KCNQ4: variants seen among roughly 807,000 people sequenced by gnomAD.
KCNQ4 encodes potassium voltage-gated channel subfamily Q member 4, also known as potassium voltage-gated channel subfamily KQT member 4.
Under a neutral mutation model 72.6 loss-of-function variants are expected in KCNQ4, and 31 were observed. That is an observed-to-expected ratio of 0.43 (90% confidence interval 0.32 to 0.58). KCNQ4 has a LOEUF of 0.58. Among genes scored for constraint, KCNQ4 ranks in the 20% least tolerant of loss-of-function variants. KCNQ4 has a pLI of 0.08. For missense variants in KCNQ4, 869 were observed against 962.6 expected (o/e 0.90, Z 1.29); for synonymous variants, 405 against 403.7 (o/e 1.00, Z -0.04).
chr1:40,837,767 G>A lies in KCNQ4; in HGVS notation c.1848G>A (p.Met616Ile), dbSNP rs183328763. Residue 616 changes from methionine (M) to isoleucine (I), a missense_variant, in exon 13 of 14, where the codon ATG (methionine) becomes ATA (isoleucine). Physicochemically the swap from Met to Ile is conservative, Grantham distance 10. This residue lies in a region of KCNQ4 where 480 missense variants were observed against 501.9 expected (regional missense o/e 0.96). Coordinates refer to ENST00000347132, the MANE Select transcript of KCNQ4 (RefSeq NM_004700.4). ...AGGTGGTGGATGAAATCAGCATGAT[G>A]GGACGCGTGGTCAAGGTGGAGAAGC... ...DAEVVDEISM[M>I]GRVVKVEKQV... The A allele has an allele frequency of 6.2e-6, 10 of 1,610,864 alleles. No individual in the cohort carries two copies. In the East Asian group the frequency reaches 2.2e-4, roughly 36 times the overall value.
At chr1:40,834,684 C>T (rs951617293) in intron 11 of KCNQ4, among the ~76,000 whole-genome samples, 1 of 152,088 alleles carries the variant, frequency 6.6e-6, no homozygotes, top group Admixed American at 6.6e-5. Context: ...CTCTTCAAAG[C>T]ACACCCCAGC....
chr1:40,790,140 C>T (rs548824089), intron 1 of KCNQ4, among the ~76,000 whole-genome samples: 3 of 152,196 alleles, frequency 2.0e-5, no homozygotes, highest in Non-Finnish European at 4.4e-5. Flanking sequence ...GACAGATCTG[C>T]GTTCCTTCCT....
intron 1 of KCNQ4, among the ~76,000 whole-genome samples, chr1:40,787,053 G>A (rs768734723): frequency 3.3e-5 from 5 of 152,074 alleles, no homozygotes; most frequent in South Asian, 2.1e-4. Context: ...TCCCAGAGAC[G>A]CAGGCTGTGG....
At chr1:40,834,760 G>C (rs950130447) in intron 11 of KCNQ4, among the ~76,000 whole-genome samples, 2 of 151,852 alleles carry the variant, frequency 1.3e-5, no homozygotes, top group African/African-American at 4.8e-5. Flanking sequence ...CCTCCACCCC[G>C]GCTGGTTGAT....
intron 1 of KCNQ4, among the ~76,000 whole-genome samples, chr1:40,799,551 T>C (rs1647517950): frequency 6.6e-6 from 1 of 152,148 alleles, no homozygotes; most frequent in South Asian, 2.1e-4. Flanking sequence ...GTCTGGCCTC[T>C]CCACTCCTGA....
intron 1 of KCNQ4, among the ~76,000 whole-genome samples, chr1:40,789,991 C>T (rs1647248402): frequency 6.6e-6 from 1 of 152,228 alleles, no homozygotes; most frequent in African/African-American, 2.4e-5. Context: ...TGGAGCCCCC[C>T]AGCAGGGAAT....
chr1:40,820,655 C>G (rs74071712), intron 7 of KCNQ4, among the ~76,000 whole-genome samples: 1,949 of 152,304 alleles, frequency 0.013, 42 homozygotes, highest in African/African-American at 0.044. Context: ...TCATTCATTC[C>G]ACAAGCACTC....
intron 1 of KCNQ4, among the ~76,000 whole-genome samples, chr1:40,816,652 C>T (rs895689662): frequency 2.6e-5 from 4 of 152,202 alleles, no homozygotes; most frequent in Non-Finnish European, 4.4e-5. Context: ...TGGCCCAGCT[C>T]CACACTGCCC....
chr1:40,831,084 C>A lies in KCNQ4; in HGVS notation c.1293C>A (p.Ser431Arg). 6.3e-7 allele frequency: 1 copy of A among 1,581,116 alleles called. No homozygotes were observed. Among genetic ancestry groups the A allele is most frequent in the Non-Finnish European group, 8.6e-7 (1 of 1,163,258 alleles). The change falls in exon 10 of 14, where the codon AGC (serine) becomes AGA (arginine). Residue 431 changes from serine (S) to arginine (R), a missense_variant and splice_region_variant. Ser to Arg is a moderately radical substitution (Grantham distance 110). Around this residue, in one of 5 missense-constraint regions of KCNQ4, gnomAD observed 480 missense variants for 501.9 expected, o/e 0.96. Transcript: ENST00000347132. ...PGSTSFCPGE[S>R]SRMGIKDRIR... ...TCTCCCAACCTGCCTGCCCTGCCAG[C>A]AGCCGGATGGGCATCAAAGACCGCA... is the stretch of plus-strand genomic sequence containing the variant.
chr1:40,835,986 A>T (rs1334226388), intron 12 of KCNQ4, among the ~76,000 whole-genome samples: 1 of 151,924 alleles, frequency 6.6e-6, no homozygotes, highest in African/African-American at 2.4e-5. Context: ...CCCTGCAAAG[A>T]CGTTGGTGTT....
intron 9 of KCNQ4, 150 bp downstream of exon 9, chr1:40,824,408 G>T (rs372433098): frequency 1.7e-5 from 14 of 818,798 alleles, no homozygotes; most frequent in East Asian, 8.0e-5. Context: ...GGCCAGACAG[G>T]TACAGACTGA....
chr1:40,826,635 C>T (rs1326194751), intron 9 of KCNQ4: 5 of 455,658 alleles, frequency 1.1e-5, no homozygotes, highest in Non-Finnish European at 2.2e-5. Flanking sequence ...CTCAAACTTC[C>T]AGCCAGATGT....
At chr1:40,807,654 G>A (rs926070988) in intron 1 of KCNQ4, among the ~76,000 whole-genome samples, 4 of 152,238 alleles carry the variant, frequency 2.6e-5, no homozygotes, top group African/African-American at 9.6e-5. Flanking sequence ...CCCCTTGTCA[G>A]GAAGTGCCTG....
chr1:40,814,256 G>A (rs111734454), intron 1 of KCNQ4, among the ~76,000 whole-genome samples: 3,020 of 150,730 alleles, frequency 0.02, 105 homozygotes, highest in African/African-American at 0.07. Flanking sequence ...GTTTCACGAT[G>A]TTGGCCAGGC....
At position 40,831,264 on chromosome 1, in the gene KCNQ4, C is replaced by G; in HGVS notation, c.1473C>G (p.Phe491Leu). The G allele has an allele frequency of 6.2e-7, 1 of 1,606,754 alleles. No individual in the cohort carries two copies. The highest frequency in any genetic ancestry group is 8.5e-7 in the Non-Finnish European group (1 of 1,176,860). Residue 491 changes from phenylalanine to leucine, a missense_variant, in exon 10 of 14, where the codon TTC (phenylalanine) becomes TTG (leucine). This residue lies in a region of KCNQ4 where 480 missense variants were observed against 501.9 expected (regional missense o/e 0.96). Coordinates refer to ENST00000347132, the MANE Select transcript of KCNQ4 (RefSeq NM_004700.4). ...KSWSFNDRTR[F>L]RASLRLKPRT... ...GGAGCTTCAATGACCGCACCCGCTT[C>G]CGGGCATCTCTGAGACTCAAACCCC...
chr1:40,786,667 T>C (rs1417112486), intron 1 of KCNQ4, among the ~76,000 whole-genome samples: 1 of 152,328 alleles, frequency 6.6e-6, no homozygotes, highest in East Asian at 1.9e-4. Context: ...GGTTGATTGC[T>C]GGGCCTCTCT....
chr1:40,817,576 T>G lies in KCNQ4; in HGVS notation c.405+221T>G, dbSNP rs1421414603. ...CTGAGGGCTGAAGGTGGAAAGAGGC[T>G]TCTCATACCATGGCTCAGAGAGCAG... On this transcript the variant is annotated intron_variant, in intron 2 of 13. Transcript: ENST00000347132. This position sits in a 1 kb window ranked among gnomAD's most constrained non-coding sequence, Gnocchi z 5.5. 6.6e-6 allele frequency among the ~76,000 whole-genome samples: 1 copy of G among 152,110 alleles called. No individual in the cohort carries two copies. Among genetic ancestry groups the G allele is most frequent in the African/African-American group, 2.4e-5 (1 of 41,398 alleles).
At chr1:40,816,659 G>A (rs1400264595) in intron 1 of KCNQ4, among the ~76,000 whole-genome samples, 1 of 152,132 alleles carries the variant, frequency 6.6e-6, no homozygotes, top group Non-Finnish European at 1.5e-5. Flanking sequence ...GCTCCACACT[G>A]CCCAATTCCC....
chr1:40,799,901 C>T (rs1196064389), intron 1 of KCNQ4, among the ~76,000 whole-genome samples: 5 of 152,178 alleles, frequency 3.3e-5, no homozygotes, highest in African/African-American at 1.2e-4. Flanking sequence ...ACACCTGATA[C>T]AGAAGCACAA....
Sources: allele counts gnomAD v4.1 joint callset (sites outside exome capture counted in the v4.1 genomes callset), GRCh38; gene constraint gnomAD v4.1.1; regional missense constraint gnomAD v4.1.1; non-coding constraint Gnocchi (gnomAD v3.1); transcripts MANE v1.5; gene names NCBI Gene and HGNC (gene_info 2026-07-23, HGNC 2026-07-21).